Variants in ADGRE1 observed in about 807,000 individuals in gnomAD.
The protein encoded by ADGRE1 is EGF-like module receptor 1.
A neutral mutation model predicts 102.7 loss-of-function variants in ADGRE1; 82 were observed. That is an observed-to-expected ratio of 0.80 (90% CI 0.67 to 0.96). The LOEUF (loss-of-function observed/expected upper bound fraction) is 0.96, where lower values mean the gene tolerates loss of function less well. Ranked by LOEUF, ADGRE1 falls within the 40% of genes least tolerant of loss-of-function variation. The pLI is 0.00. For missense variants in ADGRE1, 1,032 were observed against 1,085.3 expected (o/e 0.95, Z 0.69); for synonymous variants, 398 against 399.6 (o/e 1.00, Z 0.05).
chr19:6,937,547 C>T lies in ADGRE1; in HGVS notation c.2554C>T (p.Arg852Ter), dbSNP rs368288760. The T allele has an allele frequency of 4.0e-5, 64 of 1,612,776 alleles. No homozygotes were observed. The East Asian group carries it at 4.5e-4, about 11-fold the overall frequency. Reference sequence around the variant, plus strand: ...GATGATGTGTCTCCTTCTCCAGGTACGAGAAGAATACAAGAGGTGGATCAC... The same window carrying T: ...GATGATGTGTCTCCTTCTCCAGGTATGAGAAGAATACAAGAGGTGGATCAC... ...LIHCLLNGQV[R>*]EEYKRWITGK... The change falls in exon 20 of 21, where the codon CGA (arginine) becomes TGA (stop). Residue 852 changes from arginine to a stop codon, truncating the protein, a stop_gained. Transcript: ENST00000312053. LOFTEE classifies it high-confidence loss of function.
intron 5 of ADGRE1, among the ~76,000 whole-genome samples, chr19:6,899,540 C>A (rs1973690449): frequency 6.6e-6 from 1 of 151,876 alleles, no homozygotes; most frequent in African/African-American, 2.4e-5. Flanking sequence ...ATTAGCCGGG[C>A]ATGGTGGCAG....
At chr19:6,901,491 G>A (rs923839659) in intron 5 of ADGRE1, among the ~76,000 whole-genome samples, 2 of 152,202 alleles carry the variant, frequency 1.3e-5, no homozygotes, top group Admixed American at 6.5e-5. Flanking sequence ...CTGTATTTAA[G>A]GGGTAGAGAA....
chr19:6,892,558 C>G (rs1973419058), intron 2 of ADGRE1, among the ~76,000 whole-genome samples: 1 of 152,184 alleles, frequency 6.6e-6, no homozygotes, highest in Admixed American at 6.5e-5. Flanking sequence ...TTCTGATCTT[C>G]TATAGTTCGT....
At chr19:6,926,246 T>G (rs1599759217) in intron 15 of ADGRE1, 120 bp from the exon 16 acceptor site, 1,342 of 988,886 alleles carry the variant, frequency 1.4e-3, no homozygotes, top group Non-Finnish European at 1.8e-3. Context: ...TAAATGTTTG[T>G]GAGATGAATG....
At chr19:6,924,533 C>T (rs896748179) in intron 14 of ADGRE1, 145 bp from the exon 15 acceptor site, 42 of 653,714 alleles carry the variant, frequency 6.4e-5, no homozygotes, top group Non-Finnish European at 9.5e-5. Flanking sequence ...TAATGAAGGA[C>T]AGTATCTAGT....
At chr19:6,896,362 T>C (rs1333590665) in intron 2 of ADGRE1, 36 bp from the exon 3 acceptor site, 1 of 1,607,664 alleles carries the variant, frequency 6.2e-7, no homozygotes, top group Admixed American at 1.7e-5. Context: ...TCTAATGCTC[T>C]AATCTTGTCT....
intron 10 of ADGRE1, among the ~76,000 whole-genome samples, chr19:6,913,323 C>A (rs909334744): frequency 1.2e-4 from 19 of 152,244 alleles, no homozygotes; most frequent in African/African-American, 4.6e-4. Flanking sequence ...GGATTACTGG[C>A]ACGTGCCACC....
chr19:6,903,179 G>C (rs1032398207), intron 6 of ADGRE1, among the ~76,000 whole-genome samples: 1 of 152,186 alleles, frequency 6.6e-6, no homozygotes. Flanking sequence ...TCTAGGGAAG[G>C]GGTAGTAACT....
Position 6,904,021 on chromosome 19 carries a change from T to C in ADGRE1, c.803-15T>C, listed in dbSNP as rs1297192651. 6.2e-7 allele frequency: 1 copy of C among 1,614,186 alleles called. No homozygotes were observed. Among genetic ancestry groups the C allele is most frequent in the Admixed American group, 1.7e-5 (1 of 60,024 alleles). On this transcript the variant is annotated splice_polypyrimidine_tract_variant and intron_variant, in intron 7 of 20. Coordinates refer to ENST00000312053, the MANE Select transcript of ADGRE1 (RefSeq NM_001974.5). Reference sequence around the variant, plus strand: ...TGCTCTTCTGGGTTTCTTGATATTCTCCAGTTCTTTGCAGATATTGATGAG... The same window carrying C: ...TGCTCTTCTGGGTTTCTTGATATTCCCCAGTTCTTTGCAGATATTGATGAG...
intron 6 of ADGRE1, among the ~76,000 whole-genome samples, 200 bp downstream of exon 6, chr19:6,902,221 C>T (rs1489336606): frequency 6.6e-6 from 1 of 152,162 alleles, no homozygotes; most frequent in East Asian, 1.9e-4. Context: ...GGGGATAGAG[C>T]AGTAAATAAC....
In ADGRE1 at chr19:6,928,198, G is replaced by A. The variant is rs1325676019; in HGVS notation, c.2276G>A (p.Cys759Tyr). ...ATCTGGAGTTTCTTGGGGCCAGTTT[G>A]CACAGTTATAGTGGTAAGCAAATAC... ...GFIWSFLGPV[C>Y]TVIVINSLLL... Residue 759 changes from cysteine (C) to tyrosine (Y), a missense_variant, in exon 17 of 21, where the codon TGC (cysteine) becomes TAC (tyrosine). By Grantham distance (194) the Cys-to-Tyr change is radical (BLOSUM62 -2). Transcript: ENST00000312053. The A allele has an allele frequency of 6.2e-7, 1 of 1,614,038 alleles. No homozygotes were observed. The highest frequency in any genetic ancestry group is 2.2e-5 in the East Asian group (1 of 44,902).
At chr19:6,931,800 A>AC (rs1363584968) in intron 17 of ADGRE1, among the ~76,000 whole-genome samples, 4 of 151,414 alleles carry the variant, frequency 2.6e-5, no homozygotes, top group Non-Finnish European at 5.9e-5. Flanking sequence ...TGTCTCAAAA[A>AC]AAAGAAAAAA....
chr19:6,927,981 G>A (rs1180033661), intron 16 of ADGRE1, among the ~76,000 whole-genome samples, 164 bp from the exon 17 acceptor site: 1 of 152,144 alleles, frequency 6.6e-6, no homozygotes, highest in African/African-American at 2.4e-5. Flanking sequence ...AAAAGAGGAA[G>A]CGCAGTGATC....
At chr19:6,918,415 T>C (rs574690807) in intron 12 of ADGRE1, among the ~76,000 whole-genome samples, 13 of 151,546 alleles carry the variant, frequency 8.6e-5, no homozygotes, top group African/African-American at 2.7e-4. Context: ...CACTCCAGCA[T>C]GGGCAACAGA....
intron 2 of ADGRE1, chr19:6,896,180 C>A: frequency 2.0e-6 from 1 of 499,800 alleles, no homozygotes; most frequent in Non-Finnish European, 3.6e-6. Context: ...TACTCCAGCA[C>A]TACTTCATCT....
chr19:6,889,042 A>C (rs998438024), intron 1 of ADGRE1, among the ~76,000 whole-genome samples: 4 of 152,058 alleles, frequency 2.6e-5, no homozygotes, highest in African/African-American at 9.6e-5. Context: ...GATAATGGTG[A>C]TGATAGTGAT....
intron 12 of ADGRE1, among the ~76,000 whole-genome samples, chr19:6,918,210 C>A (rs11879361): frequency 2.6e-5 from 4 of 152,064 alleles, no homozygotes; most frequent in Non-Finnish European, 5.9e-5. Flanking sequence ...GAGGCCAAGG[C>A]GGGCAGATCA....
chr19:6,920,699 G>A (rs72986349), intron 13 of ADGRE1, among the ~76,000 whole-genome samples: 31,054 of 150,696 alleles, frequency 0.21, 3,254 homozygotes, highest in Middle Eastern at 0.23. Flanking sequence ...TAGTAGAGAC[G>A]GAGTTTCACC....
intron 2 of ADGRE1, among the ~76,000 whole-genome samples, chr19:6,891,620 A>AT (rs988644263): frequency 5.3e-5 from 8 of 151,578 alleles, no homozygotes; most frequent in Middle Eastern, 3.4e-3. Context: ...CGCCTGGCTA[A>AT]TTTTTTTGTA....
Sources: gnomAD v4.1 joint callset for allele counts (sites outside exome capture counted in the v4.1 genomes callset) on GRCh38, gnomAD v4.1.1 for gene constraint, MANE v1.5 for transcripts, NCBI Gene and HGNC (gene_info 2026-07-23, HGNC 2026-07-21) for gene names.